MFSD12: variants seen among roughly 807,000 people sequenced by gnomAD.
The protein encoded by MFSD12 is major facilitator superfamily domain-containing protein 12.
In MFSD12, 67 loss-of-function variants were observed where a neutral mutation model predicts 51.2. That is an observed-to-expected ratio of 1.31 (90% CI 1.08 to 1.60). The LOEUF (loss-of-function observed/expected upper bound fraction) is 1.60. Among genes scored for constraint, MFSD12 ranks in the 40% most tolerant of loss-of-function variants. MFSD12 has a pLI of 0.00. For synonymous variants in MFSD12, 441 were observed against 316.7 expected, an observed-to-expected ratio of 1.39 and a Z score of -4.17; for missense variants, 921 against 673.0, an observed-to-expected ratio of 1.37 and a Z score of -4.08.
At chr19:3,550,600 G>A (rs751918736) in intron 2 of MFSD12, among the ~76,000 whole-genome samples, 65 of 151,110 alleles carry the variant, frequency 4.3e-4, no homozygotes, top group African/African-American at 1.4e-3. Context: ...ACGTGTTAGC[G>A]AGGATGGTCT....
chr19:3,544,184 A>G (rs371632699), downstream of MFSD12: 4 of 1,370,980 alleles, frequency 2.9e-6, no homozygotes, highest in Middle Eastern at 2.2e-4. Context: ...CCCCGCAGGC[A>G]GACAGGAGCC....
intron 8 of MFSD12, 88 bp downstream of exon 8, chr19:3,545,984 GCC>G (rs2030987196): frequency 7.3e-7 from 1 of 1,375,220 alleles, no homozygotes; most frequent in East Asian, 2.3e-5. Context: ...ACAGCTGGAT[GCC>G]CAGACCCAGA....
chr19:3,538,553 G>C, exon 5 of MFSD12: 1 of 393,518 alleles, frequency 2.5e-6, no homozygotes, highest in Non-Finnish European at 5.2e-6. Context: ...TTCTGTGTCT[G>C]GTGTCTCTCA....
downstream of MFSD12, chr19:3,541,852 A>T: frequency 2.1e-6 from 2 of 948,920 alleles, no homozygotes; most frequent in Non-Finnish European, 1.3e-6. Context: ...TCTCTCACCC[A>T]GGCTGGAGTG....
At chr19:3,544,076 G>A, downstream of MFSD12, 3 of 1,458,914 alleles carry the variant, frequency 2.1e-6, no homozygotes, top group Admixed American at 2.5e-5. Flanking sequence ...CCTAGTCCCA[G>A]GGGACCAGAG....
chr19:3,551,119 C>T lies in MFSD12; in HGVS notation c.374G>A (p.Trp125Ter). ...CGGGCCGTAGTAGAGGAGGGCAGCCCACTCGGGCGTGGCCGCCCCACAGCC... is the reference window on the plus strand; with the variant it reads ...CGGGCCGTAGTAGAGGAGGGCAGCCTACTCGGGCGTGGCCGCCCCACAGCC... The part of the protein sequence containing the change: ...CLGCGAATPE[W>*]AALLYYGPFI... The change falls in exon 2 of 10, where the codon TGG (tryptophan) becomes TAG (stop). Residue 125 changes from tryptophan (W) to a stop codon, truncating the protein, a stop_gained. Coordinates refer to ENST00000355415, the MANE Select transcript of MFSD12 (RefSeq NM_174983.5). LOFTEE classifies it high-confidence loss of function. The surrounding 1 kb of genome is among the most constrained non-coding windows in gnomAD (Gnocchi z 4.6). The T allele has an allele frequency of 1.2e-6, 2 of 1,613,096 alleles. No homozygotes were observed. The highest frequency in any genetic ancestry group is 1.7e-5 in the Admixed American group (1 of 60,018).
At chr19:3,549,707 A>G (rs1325595663) in intron 2 of MFSD12, among the ~76,000 whole-genome samples, 1 of 120,516 alleles carries the variant, frequency 8.3e-6, no homozygotes, top group African/African-American at 3.3e-5. Flanking sequence ...TGGGTGACAG[A>G]GTGAGACTCT....
intron 4 of MFSD12, chr19:3,539,168 C>A: frequency 6.5e-7 from 1 of 1,547,384 alleles, no homozygotes; most frequent in Non-Finnish European, 8.7e-7. Flanking sequence ...CCCGGGGGAT[C>A]CAGGCAGACA....
rs78939299 is a variant in MFSD12, at chr19:3,550,174, A to C, written c.509+810T>G. ...TGGGCAACCCCTTGAATGCAGGCTC[A>C]AGACAGACCCTGAAGCCCAACAGCC... On this transcript the variant is annotated intron_variant, in intron 2 of 9. Transcript: ENST00000355415. Among the ~76,000 whole-genome samples, 68 of 152,274 alleles carry C rather than the reference A, an allele frequency of 4.5e-4. 2 individuals are homozygous for C. The East Asian group carries it at 0.012, about 28-fold the overall frequency.
chr19:3,544,736 C>T lies in MFSD12; in HGVS notation c.1421-4G>A. On this transcript the variant is annotated splice_region_variant and splice_polypyrimidine_tract_variant and intron_variant, in intron 9 of 9. Coordinates refer to ENST00000355415, the MANE Select transcript of MFSD12 (RefSeq NM_174983.5). ...CAGGGCCGGGCATCACGGTCCCCTG[C>T]AAGGGAGGGGTGGAAATGGCATTAG... 3.1e-6 allele frequency: 5 copies of T among 1,597,036 alleles called. No homozygotes were observed. The highest frequency in any genetic ancestry group is 4.3e-6 in the Non-Finnish European group (5 of 1,171,682).
chr19:3,553,126 T>C (rs765268586), intron 1 of MFSD12, among the ~76,000 whole-genome samples: 36 of 152,116 alleles, frequency 2.4e-4, no homozygotes, highest in Non-Finnish European at 4.1e-4. Flanking sequence ...TTTGCGCAGA[T>C]TCCTGGGGTC....
downstream of MFSD12, chr19:3,539,207 G>T: frequency 3.2e-6 from 5 of 1,549,194 alleles, no homozygotes; most frequent in South Asian, 4.8e-5. Flanking sequence ...AGGCTGCACG[G>T]CCCTGTATCC....
Position 3,551,926 on chromosome 19 carries a change from T to G in MFSD12, c.299-732A>C, listed in dbSNP as rs988460021. On this transcript the variant is annotated intron_variant, in intron 1 of 9. Coordinates refer to ENST00000355415, the MANE Select transcript of MFSD12 (RefSeq NM_174983.5). The surrounding 1 kb of genome is among the most constrained non-coding windows in gnomAD (Gnocchi z 4.6). The stretch of plus-strand genomic sequence containing the variant: ...GCGGTCCTGCCCCCGGGCCTTTGCA[T>G]GGGCGTGCCTCTGCCTAGAGCTCTC... Among the ~76,000 whole-genome samples the G allele has an allele frequency of 1.3e-5, 2 of 152,106 alleles. No homozygotes were observed. Among genetic ancestry groups the G allele is most frequent in the Non-Finnish European group, 2.9e-5 (2 of 68,024 alleles).
Position 3,548,273 on chromosome 19 carries a change from G to T in MFSD12, c.510-6C>A, listed in dbSNP as rs777325653. 98 of 1,546,524 alleles carry T rather than the reference G, an allele frequency of 6.3e-5. 1 individual carries two copies. The highest frequency in any genetic ancestry group is 8.4e-5 in the Non-Finnish European group (96 of 1,146,890). On this transcript the variant is annotated splice_region_variant and splice_polypyrimidine_tract_variant and intron_variant, in intron 2 of 9. Transcript: ENST00000355415. ...CCACCACGGTGAACGCATACCTGGCGGGCAGGCGGGCAGGGACTCAACAAG... is the reference window on the plus strand; with the variant it reads ...CCACCACGGTGAACGCATACCTGGCTGGCAGGCGGGCAGGGACTCAACAAG...
At chr19:3,542,308 G>T, downstream of MFSD12, 2 of 985,408 alleles carry the variant, frequency 2.0e-6, no homozygotes, top group Non-Finnish European at 1.2e-6. Context: ...CAGGATTTAA[G>T]CAGAGTTCCT....
chr19:3,543,421 C>T (rs1266016437), downstream of MFSD12: 1 of 1,547,298 alleles, frequency 6.5e-7, no homozygotes, highest in African/African-American at 1.4e-5. Flanking sequence ...TCCGCGAGGC[C>T]TACAACCGCT....
At chr19:3,543,720 G>C (rs530835004), downstream of MFSD12, 114 of 1,498,778 alleles carry the variant, frequency 7.6e-5, 1 homozygote, top group South Asian at 1.0e-3. Flanking sequence ...GAGGCCAGGG[G>C]GACAAGGCCA....
At chr19:3,544,056 G>A (rs2030716311), downstream of MFSD12, 3 of 1,490,404 alleles carry the variant, frequency 2.0e-6, no homozygotes, top group South Asian at 1.3e-5. Context: ...CCCAGATGAG[G>A]GGGCACTAAC....
rs751360663 is a variant in MFSD12, at chr19:3,544,671, CCA to C, written c.*37_*38del. On this transcript the variant is annotated 3_prime_UTR_variant, in exon 10 of 10. Coordinates refer to ENST00000355415, the MANE Select transcript of MFSD12 (RefSeq NM_174983.5). Reference sequence around the variant, plus strand: ...CCCTGGGGGGCATCCTCGTGCGTCCCCACAGTTCCCTTGCACAGGTGCAGGAG... The same window carrying C: ...CCCTGGGGGGCATCCTCGTGCGTCCCCAGTTCCCTTGCACAGGTGCAGGAG... 4 of 1,569,450 alleles carry C rather than the reference CCA, an allele frequency of 2.5e-6. No homozygotes were observed. In the African/African-American group the frequency reaches 4.0e-5, roughly 16 times the overall value.
Sources: gnomAD v4.1 joint callset for allele counts (sites outside exome capture counted in the v4.1 genomes callset) on GRCh38, gnomAD v4.1.1 for gene constraint, Gnocchi (gnomAD v3.1) non-coding constraint, MANE v1.5 for transcripts, NCBI Gene and HGNC (gene_info 2026-07-23, HGNC 2026-07-21) for gene names.